The following RXRA variants were observed in gnomAD, a reference collection of about 807,000 sequenced individuals.
The protein encoded by RXRA is retinoic acid receptor RXR-alpha.
RXRA carries 5 observed loss-of-function variants against 44.5 expected under a neutral mutation model. The observed-to-expected ratio is 0.11, with a 90% CI of 0.06 to 0.24. The LOEUF (loss-of-function observed/expected upper bound fraction) is 0.24. RXRA is among the 10% of genes least tolerant of loss of function. RXRA has a pLI of 1.00. For missense variants in RXRA, 412 were observed against 646.5 expected, an observed-to-expected ratio of 0.64 and a Z score of 3.93; for synonymous variants, 291 against 271.4, an observed-to-expected ratio of 1.07 and a Z score of -0.71.
chr9:134,376,795 C>T (rs1223934437), intron 1 of RXRA, among the ~76,000 whole-genome samples: 2 of 152,158 alleles, frequency 1.3e-5, no homozygotes, highest in Non-Finnish European at 2.9e-5. Context: ...CAGCCAGGGG[C>T]GCAGCCCTAG....
chr9:134,335,849 T>G (rs1205127039), intron 1 of RXRA, among the ~76,000 whole-genome samples: 1 of 152,124 alleles, frequency 6.6e-6, no homozygotes, highest in African/African-American at 2.4e-5. Context: ...CTATACCCCT[T>G]GGTCTGTCCC....
In RXRA at chr9:134,379,455, C is replaced by G. The variant is rs551317612; in HGVS notation, c.29-22177C>G. ...CCATCCAGGCATCTGTGTCTGTGTCCGGGAAGTGGAGGAGGGCCCCCAGGA... is the reference window on the plus strand; with the variant it reads ...CCATCCAGGCATCTGTGTCTGTGTCGGGGAAGTGGAGGAGGGCCCCCAGGA... On this transcript the variant is annotated intron_variant, in intron 1 of 9. Coordinates refer to ENST00000481739, the MANE Select transcript of RXRA (RefSeq NM_002957.6). The G allele has an allele frequency of 5.6e-4, 556 of 987,244 alleles. 2 individuals carry two copies. The African/African-American group carries it at 8.9e-3, about 16-fold the overall frequency. 61.2% of individuals were successfully genotyped at this position (987,244 alleles called of 1,614,324 possible).
At chr9:134,354,909 G>C (rs1830265071) in intron 1 of RXRA, among the ~76,000 whole-genome samples, 1 of 152,260 alleles carries the variant, frequency 6.6e-6, no homozygotes, top group South Asian at 2.1e-4. Flanking sequence ...TGGAGGGACT[G>C]AGAAGCCACT....
At chr9:134,368,148 T>C (rs1161924344) in intron 1 of RXRA, among the ~76,000 whole-genome samples, 1 of 152,212 alleles carries the variant, frequency 6.6e-6, no homozygotes, top group Non-Finnish European at 1.5e-5. Flanking sequence ...CCTGTGTCTC[T>C]GGAGAGCCCT....
chr9:134,391,983 T>C (rs2119123732), intron 1 of RXRA, among the ~76,000 whole-genome samples: 1 of 152,134 alleles, frequency 6.6e-6, no homozygotes, highest in Non-Finnish European at 1.5e-5. Flanking sequence ...TGCAGTTAGG[T>C]GTTTGAGCTG....
chr9:134,417,474 TGAG>T lies in RXRA; in HGVS notation c.780+149_780+151del. The T allele has an allele frequency of 1.1e-6, 1 of 916,878 alleles. No individual in the cohort carries two copies. The highest frequency in any genetic ancestry group is 1.6e-6 in the Non-Finnish European group (1 of 616,296). The allele number at this position is 916,878 out of a possible 1,614,324, so 56.8% of individuals were successfully genotyped here. A position where few individuals can be genotyped will look rare whatever the true frequency, so the allele number is the denominator to read the frequency against. On this transcript the variant is annotated intron_variant, in intron 5 of 9. Transcript: ENST00000481739. The surrounding 1 kb of genome is among the most constrained non-coding windows in gnomAD (Gnocchi z 6.1). ...GGCTGCCTCAGCTCGGCCTCTTACC[TGAG>T]GTGACCCCGTGGGCCCCTCGCCCCA...
chr9:134,345,190 C>T (rs1249296278), intron 1 of RXRA, among the ~76,000 whole-genome samples: 1 of 152,188 alleles, frequency 6.6e-6, no homozygotes, highest in Non-Finnish European at 1.5e-5. Flanking sequence ...AGGTTATGGG[C>T]TTCAGGGTCC....
intron 1 of RXRA, among the ~76,000 whole-genome samples, chr9:134,333,912 C>T (rs1417445353): frequency 6.6e-6 from 1 of 152,222 alleles, no homozygotes; most frequent in Non-Finnish European, 1.5e-5. Flanking sequence ...TCCACCTGTG[C>T]AGGCTCAGCC....
At chr9:134,409,147 G>C in intron 4 of RXRA, 28 bp downstream of exon 4, 1 of 1,516,770 alleles carries the variant, frequency 6.6e-7, no homozygotes, top group Non-Finnish European at 8.8e-7. Context: ...GTGGGGGCGC[G>C]GGCAGGTGTT....
chr9:134,423,819 C>T (rs1238031284), intron 6 of RXRA: 4 of 985,342 alleles, frequency 4.1e-6, no homozygotes, highest in African/African-American at 3.5e-5. Context: ...CCTGCCTGAC[C>T]CCAGTGGTCC....
intron 4 of RXRA, among the ~76,000 whole-genome samples, chr9:134,416,542 C>T (rs35314599): frequency 0.013 from 1,952 of 152,260 alleles, 43 homozygotes; most frequent in African/African-American, 0.045. Context: ...TGGGGCCGGG[C>T]GCCTGCCCTC....
intron 6 of RXRA, chr9:134,424,006 G>A (rs1427723355): frequency 4.1e-6 from 4 of 985,322 alleles, no homozygotes; most frequent in Admixed American, 6.1e-5. Context: ...TGTGTCCGTC[G>A]CCATGTTTGT....
chr9:134,367,842 G>A (rs930428940), intron 1 of RXRA, among the ~76,000 whole-genome samples: 8 of 152,218 alleles, frequency 5.3e-5, no homozygotes, highest in Non-Finnish European at 1.5e-5. Flanking sequence ...TCTGGCAGCC[G>A]AAACTGGTTC....
At chr9:134,391,332 C>T (rs1293886514) in intron 1 of RXRA, among the ~76,000 whole-genome samples, 3 of 152,196 alleles carry the variant, frequency 2.0e-5, no homozygotes, top group Non-Finnish European at 2.9e-5. Context: ...CGAGAGCCGC[C>T]CTGAGGGTGG....
At chr9:134,411,878 A>G (rs1366680634) in intron 4 of RXRA, among the ~76,000 whole-genome samples, 1 of 152,112 alleles carries the variant, frequency 6.6e-6, no homozygotes, top group African/African-American at 2.4e-5. Flanking sequence ...TGTGGGCTGC[A>G]CAGCCAGGCC....
intron 1 of RXRA, among the ~76,000 whole-genome samples, chr9:134,356,071 C>T (rs1265766376): frequency 6.6e-6 from 1 of 152,172 alleles, no homozygotes; most frequent in Non-Finnish European, 1.5e-5. Context: ...TTGGGCCTGT[C>T]TCAGGCCAGG....
intron 1 of RXRA, among the ~76,000 whole-genome samples, chr9:134,333,401 A>G (rs553398441): frequency 1.8e-4 from 27 of 152,166 alleles, no homozygotes; most frequent in African/African-American, 6.0e-4. Flanking sequence ...AAGCCATAGT[A>G]ATTTCCAGCT....
intron 1 of RXRA, among the ~76,000 whole-genome samples, chr9:134,355,345 GC>G (rs1391539273): frequency 6.6e-6 from 1 of 152,218 alleles, no homozygotes; most frequent in Admixed American, 6.5e-5. Context: ...GTAAAAAGCA[GC>G]CTGACCCTTG....
chr9:134,384,691 C>T (rs1033174104), intron 1 of RXRA, among the ~76,000 whole-genome samples: 2 of 152,128 alleles, frequency 1.3e-5, no homozygotes, highest in Admixed American at 1.3e-4. Context: ...GTCACCCGGT[C>T]GGCCTGGGGG....
Sources: allele counts gnomAD v4.1 joint callset (sites outside exome capture counted in the v4.1 genomes callset), GRCh38; gene constraint gnomAD v4.1.1; non-coding constraint Gnocchi (gnomAD v3.1); transcripts MANE v1.5; gene names NCBI Gene and HGNC (gene_info 2026-07-23, HGNC 2026-07-21).